The following MTUS2 variants were observed in gnomAD, a reference collection of about 807,000 sequenced individuals.
MTUS2 encodes the protein microtubule associated scaffold protein 2.
In MTUS2, 40 loss-of-function variants were observed where a neutral mutation model predicts 114.1. The observed-to-expected ratio is 0.35, with a 90% CI of 0.27 to 0.46. The LOEUF is 0.46. MTUS2 is among the 20% of genes least tolerant of loss of function. The pLI, the probability that MTUS2 is intolerant of heterozygous loss-of-function variation, is 1.00. For missense variants in MTUS2, 1,679 were observed against 1,705.4 expected (o/e 0.98, Z 0.27); for synonymous variants, 688 against 672.0 (o/e 1.02, Z -0.37).
intron 2 of MTUS2, among the ~76,000 whole-genome samples, chr13:28,872,602 A>T (rs993102178): frequency 2.6e-5 from 4 of 152,170 alleles, no homozygotes; most frequent in African/African-American, 9.7e-5. Flanking sequence ...ATGTACAGAG[A>T]TCACATGGCA....
At chr13:29,455,028 A>G (rs1474603005) in intron 9 of MTUS2, among the ~76,000 whole-genome samples, 1 of 152,236 alleles carries the variant, frequency 6.6e-6, no homozygotes, top group Non-Finnish European at 1.5e-5. Flanking sequence ...AGGGAAGCAC[A>G]TGAAATGAGT....
intron 5 of MTUS2, among the ~76,000 whole-genome samples, chr13:29,241,325 C>T (rs1202698577): frequency 2.6e-5 from 4 of 152,186 alleles, no homozygotes; most frequent in Admixed American, 6.5e-5. Context: ...CAATATAGCA[C>T]CCCTCCATAC....
intron 5 of MTUS2, among the ~76,000 whole-genome samples, chr13:29,114,525 G>T (rs1295885592): frequency 6.6e-6 from 1 of 152,170 alleles, no homozygotes; most frequent in Non-Finnish European, 1.5e-5. Context: ...GTAGGTAAAG[G>T]TGGACAGTAT....
intron 7 of MTUS2, among the ~76,000 whole-genome samples, chr13:29,346,734 T>A (rs1593330885): frequency 6.9e-6 from 1 of 145,004 alleles, no homozygotes; most frequent in African/African-American, 2.9e-5. Flanking sequence ...GAATTTTCCT[T>A]CTCCCTGTGG....
At chr13:29,288,870 G>A (rs112931285) in intron 6 of MTUS2, among the ~76,000 whole-genome samples, 309 of 152,276 alleles carry the variant, frequency 2.0e-3, no homozygotes, top group Middle Eastern at 3.4e-3. Context: ...TGGTCTCAGC[G>A]TTTCACGTGC....
intron 9 of MTUS2, among the ~76,000 whole-genome samples, chr13:29,462,749 C>A (rs747316791): frequency 1.3e-5 from 2 of 152,048 alleles, no homozygotes; most frequent in Admixed American, 6.6e-5. Context: ...TGGTCTTGTT[C>A]TGCTTGAGAA....
intron 2 of MTUS2, among the ~76,000 whole-genome samples, chr13:28,878,560 CACTT>C (rs1878100634): frequency 1.3e-5 from 2 of 152,168 alleles, no homozygotes; most frequent in South Asian, 4.1e-4. Flanking sequence ...GTTCAGCTCT[CACTT>C]ACAAGTAAGA....
At chr13:29,211,865 T>C (rs1895456175) in intron 5 of MTUS2, among the ~76,000 whole-genome samples, 1 of 151,784 alleles carries the variant, frequency 6.6e-6, no homozygotes, top group Admixed American at 6.6e-5. Flanking sequence ...GCTTTCCTGG[T>C]GTGTTCTTCA....
In MTUS2 at chr13:29,025,768, C is replaced by A; in HGVS notation, c.1070C>A (p.Thr357Asn). The A allele has an allele frequency of 6.2e-7, 1 of 1,614,004 alleles. No individual in the cohort carries two copies. Among genetic ancestry groups the A allele is most frequent in the Non-Finnish European group, 8.5e-7 (1 of 1,179,892 alleles). ...TGTGGGGAAGCACACCCGGAAGCCA[C>A]CGATGCACTTGGCCATCTGCTGAAC... ...DPCGEAHPEATDALGHLLNSD... is the reference protein window; with the variant it reads ...DPCGEAHPEANDALGHLLNSD... Residue 357 changes from threonine (T) to asparagine (N), a missense_variant, in exon 3 of 16, where the codon ACC becomes AAC. Physicochemically the swap from Thr to Asn is moderately conservative, Grantham distance 65. Around this residue, in one of 3 missense-constraint regions of MTUS2, gnomAD observed 843 missense variants for 770.8 expected, o/e 1.09. Coordinates refer to ENST00000612955, the MANE Select transcript of MTUS2 (RefSeq NM_001033602.4).
intron 8 of MTUS2, 91 bp downstream of exon 8, chr13:29,359,564 G>T: frequency 4.2e-6 from 6 of 1,430,082 alleles, no homozygotes; most frequent in Non-Finnish European, 5.7e-6. Context: ...TGCTGTTTTG[G>T]GTTTGAGTTT....
At chr13:29,047,239 G>T (rs1887666461) in intron 4 of MTUS2, among the ~76,000 whole-genome samples, 1 of 152,174 alleles carries the variant, frequency 6.6e-6, no homozygotes, top group South Asian at 2.1e-4. Context: ...CTGTGAAATG[G>T]AAGTTTTACC....
rs148011631 is a variant in MTUS2, at chr13:29,299,371, A to G, written c.2806+17506A>G. ...TTGGATGGGCCTCCATTTGTTCAAC[A>G]TATATTAATTGCGTACCCTCTTCAA... On this transcript the variant is annotated intron_variant, in intron 6 of 15. Coordinates refer to ENST00000612955, the MANE Select transcript of MTUS2 (RefSeq NM_001033602.4). 1.1e-3 allele frequency among the ~76,000 whole-genome samples: 161 copies of G among 152,328 alleles called. 1 individual carries two copies. Among genetic ancestry groups the G allele is most frequent in the African/African-American group, 3.6e-3 (150 of 41,578 alleles).
At chr13:28,878,809 T>C (rs530462404) in intron 2 of MTUS2, among the ~76,000 whole-genome samples, 2 of 152,218 alleles carry the variant, frequency 1.3e-5, no homozygotes, top group Non-Finnish European at 2.9e-5. Context: ...CACGTATCTT[T>C]ATAGTAGAAT....
chr13:28,834,126 C>A (rs1320867897), intron 1 of MTUS2, among the ~76,000 whole-genome samples: 1 of 151,994 alleles, frequency 6.6e-6, no homozygotes, highest in Non-Finnish European at 1.5e-5. Flanking sequence ...TTAATGTAAT[C>A]GCTATCAAAA....
chr13:29,017,303 G>T (rs1886106699), intron 2 of MTUS2, among the ~76,000 whole-genome samples: 1 of 152,108 alleles, frequency 6.6e-6, no homozygotes, highest in African/African-American at 2.4e-5. Context: ...GTAACTTATT[G>T]CATGGCAGGA....
chr13:29,409,321 A>G (rs925409778), intron 8 of MTUS2, among the ~76,000 whole-genome samples: 2 of 152,196 alleles, frequency 1.3e-5, no homozygotes, highest in African/African-American at 2.4e-5. Context: ...CTCAAAAAAA[A>G]CAAAAAATCA....
In MTUS2 at chr13:28,828,436, A is replaced by G. The variant is rs1383708901; in HGVS notation, c.-316+7825A>G. Among the ~76,000 whole-genome samples, 61 of 152,258 alleles carry G rather than the reference A, an allele frequency of 4.0e-4. 1 individual carries two copies. Among genetic ancestry groups the G allele is most frequent in the Non-Finnish European group, 1.5e-5 (1 of 68,048 alleles). On this transcript the variant is annotated intron_variant, in intron 1 of 15. Transcript: ENST00000612955. ...TTAAGCAATTAAAGTAAAGACAGGC[A>G]TAGGAAATCACAAGAGCATTGATTG...
intron 2 of MTUS2, among the ~76,000 whole-genome samples, chr13:29,012,021 C>T (rs763336779): frequency 6.6e-6 from 1 of 152,212 alleles, no homozygotes; most frequent in Non-Finnish European, 1.5e-5. Context: ...GTGAACCTCA[C>T]TTCACTCCTG....
chr13:29,332,698 G>A (rs376287320), intron 7 of MTUS2, among the ~76,000 whole-genome samples: 22 of 146,934 alleles, frequency 1.5e-4, no homozygotes, highest in Admixed American at 4.1e-4. Flanking sequence ...GCAGTGGCGC[G>A]ATCTCGGCTC....
Sources: allele counts gnomAD v4.1 joint callset (sites outside exome capture counted in the v4.1 genomes callset), GRCh38; gene constraint gnomAD v4.1.1; regional missense constraint gnomAD v4.1.1; transcripts MANE v1.5; gene names NCBI Gene and HGNC (gene_info 2026-07-23, HGNC 2026-07-21).